Variants in CYP11B2 observed in about 807,000 individuals in gnomAD.
CYP11B2 encodes the protein cytochrome P450 11B2, mitochondrial.
A neutral mutation model predicts 49.3 loss-of-function variants in CYP11B2; 38 were observed. That is an observed-to-expected ratio of 0.77 (90% CI 0.59 to 1.01). The LOEUF is 1.01. Ranked by LOEUF, CYP11B2 falls within the 50% of genes least tolerant of loss-of-function variation. The pLI is 0.00. For missense variants in CYP11B2, 669 were observed against 655.5 expected, an observed-to-expected ratio of 1.02 and a Z score of -0.23; for synonymous variants, 290 against 269.3, an observed-to-expected ratio of 1.08 and a Z score of -0.75.
rs766018180 is a variant in CYP11B2, at chr8:142,912,593, A to G, written c.1335T>C (p.Phe445=). 4 of 1,613,902 alleles carry G rather than the reference A, an allele frequency of 2.5e-6. No individual in the cohort carries two copies. The Admixed American group carries it at 6.7e-5, about 27-fold the overall frequency. Residue 445 remains phenylalanine (F), a synonymous_variant, in exon 8 of 9, where the codon TTT becomes TTC. Coordinates refer to ENST00000323110, the MANE Select transcript of CYP11B2 (RefSeq NM_000498.3). ...GCCGCCCGAGGCACTGGCGCATGCC[A>G]AAGCCAAAGGGCACGTGGTGGAAGT... ...GRNFHHVPFG[F]GMRQCLGRRL...
At position 142,912,140 on chromosome 8, in the gene CYP11B2, G is replaced by T. The variant is rs200760005; in HGVS notation, c.1399-47C>A. 453 of 1,613,064 alleles carry T rather than the reference G, an allele frequency of 2.8e-4. 4 individuals carry two copies. The East Asian group carries it at 8.3e-3, about 30-fold the overall frequency. On this transcript the variant is annotated intron_variant, in intron 8 of 8. Coordinates refer to ENST00000323110, the MANE Select transcript of CYP11B2 (RefSeq NM_000498.3). Reference sequence around the variant, plus strand: ...CATCTGGCCTGGTCAGTAGCCCATGGACCTGGGGCAGCTTCCTCCCATCGT... The same window carrying T: ...CATCTGGCCTGGTCAGTAGCCCATGTACCTGGGGCAGCTTCCTCCCATCGT...
At position 142,914,372 on chromosome 8, in the gene CYP11B2, GC is replaced by G. The variant is rs1409902979; in HGVS notation, c.845del (p.Arg282ProfsTer14). On this transcript the variant is annotated frameshift_variant, in exon 5 of 9. Transcript: ENST00000323110. LOFTEE classifies it high-confidence loss of function. ...CCACGATGCCTGTGTAGTGTTGAGG[GC>G]GGTTGAAGGCCAGTTCCTGGTAGAT... ...QKIYQELAFN[R>X]PQHYTGIVAE... 1.2e-6 allele frequency: 2 copies of G among 1,613,422 alleles called. No homozygotes were observed. Among genetic ancestry groups the G allele is most frequent in the Non-Finnish European group, 1.7e-6 (2 of 1,179,566 alleles).
chr8:142,912,498 C>CCGGGGG, intron 8 of CYP11B2, 32 bp downstream of exon 8: 5 of 1,603,490 alleles, frequency 3.1e-6, no homozygotes, highest in Non-Finnish European at 4.3e-6. Flanking sequence ...CTCTGCTGCC[C>CCGGGGG]AGGTCCCGCC....
intron 5 of CYP11B2, chr8:142,913,959 C>A: frequency 1.8e-6 from 1 of 545,394 alleles, no homozygotes; most frequent in South Asian, 1.5e-5. Context: ...CCTTGTACAC[C>A]CAGAGCTTTC....
chr8:142,917,060 A>G lies in CYP11B2; in HGVS notation c.394T>C (p.Leu132=), dbSNP rs768041693. 2.5e-5 allele frequency: 40 copies of G among 1,614,070 alleles called. No homozygotes were observed. The highest frequency in any genetic ancestry group is 1.6e-4 in the Middle Eastern group (1 of 6,062). The stretch of plus-strand genomic sequence containing the variant: ...CTCAGCTCCCAACTCGCCGCTTACA[A>G]CAAGAACACGCCACATTTGTGCCCA... ...HRGHKCGVFL[L]NGPEWRFNRL... Residue 132 remains leucine, a splice_region_variant and synonymous_variant, in exon 2 of 9, where the codon TTG becomes CTG. Transcript: ENST00000323110.
At position 142,914,019 on chromosome 8, in the gene CYP11B2, C is replaced by G. The variant is rs1817589423; in HGVS notation, c.954+245G>C. The G allele has an allele frequency of 7.9e-6, 5 of 632,030 alleles. No individual in the cohort carries two copies. The Middle Eastern group carries it at 1.0e-3, about 126-fold the overall frequency. The allele number at this position is 632,030 out of a possible 1,614,324, so 39.2% of individuals were successfully genotyped here. A position where few individuals can be genotyped will look rare whatever the true frequency, so the allele number is the denominator to read the frequency against. On this transcript the variant is annotated intron_variant, in intron 5 of 8. Coordinates refer to ENST00000323110, the MANE Select transcript of CYP11B2 (RefSeq NM_000498.3). ...TCCAGGGCCTCATCCAACTTTCTTC[C>G]AGCCTGGAGCATGGATCCCCACACA... is the stretch of plus-strand genomic sequence containing the variant.
chr8:142,910,817 A>T lies in CYP11B2; in HGVS notation c.*1163T>A, dbSNP rs1199405421. ...TGATTACCTAAGTATTTCCCCTTTC[A>T]TGGGGGAACAAACGCTCTGATCCTC... On this transcript the variant is annotated 3_prime_UTR_variant, in exon 9 of 9. Transcript: ENST00000323110. The surrounding 1 kb of genome is among the most constrained non-coding windows in gnomAD (Gnocchi z 4.6). 1 of 152,110 alleles carries T rather than the reference A, an allele frequency of 6.6e-6. No homozygotes were observed. The highest frequency in any genetic ancestry group is 1.5e-5 in the Non-Finnish European group (1 of 68,030). The allele number at this position is 152,110 out of a possible 1,614,324, so 9.4% of individuals were successfully genotyped here.
intron 5 of CYP11B2, chr8:142,914,027 A>T: frequency 1.5e-6 from 1 of 645,536 alleles, no homozygotes; most frequent in South Asian, 1.5e-5. Context: ...TCCAGCCTGG[A>T]GCATGGATCC....
chr8:142,911,928 C>T lies in CYP11B2; in HGVS notation c.*52G>A. Reference sequence around the variant, plus strand: ...GGAGAGAAGACAGGTGGCCTGGGGTCAGGCAGAGGGAAGCTGGTGGCCAGG... The same window carrying T: ...GGAGAGAAGACAGGTGGCCTGGGGTTAGGCAGAGGGAAGCTGGTGGCCAGG... On this transcript the variant is annotated 3_prime_UTR_variant, in exon 9 of 9. Coordinates refer to ENST00000323110, the MANE Select transcript of CYP11B2 (RefSeq NM_000498.3). The T allele has an allele frequency of 6.2e-7, 1 of 1,613,116 alleles. No homozygotes were observed. Among genetic ancestry groups the T allele is most frequent in the Admixed American group, 1.7e-5 (1 of 59,928 alleles).
chr8:142,916,445 T>C (rs772186422), intron 2 of CYP11B2: 3 of 456,514 alleles, frequency 6.6e-6, no homozygotes, highest in South Asian at 4.6e-5. Context: ...AGCCTCTCCC[T>C]GCCCACCTGA....
rs6432 is a variant in CYP11B2, at chr8:142,912,244, A to G, written c.1399-151T>C. The G allele has an allele frequency of 0.048, 67,347 of 1,411,800 alleles. 7,360 individuals are homozygous for G. In the East Asian group the frequency reaches 0.51, roughly 11 times the overall value. The allele number at this position is 1,411,800 out of a possible 1,614,324, so 87.5% of individuals were successfully genotyped here. A position where few individuals can be genotyped will look rare whatever the true frequency, so the allele number is the denominator to read the frequency against. On this transcript the variant is annotated intron_variant, in intron 8 of 8. Transcript: ENST00000323110. The stretch of plus-strand genomic sequence containing the variant: ...TCCCACTTCTGACCAGCCCCACCTT[A>G]CGGACCAGGCCCAGACTGAATCCTG...
chr8:142,915,018 G>A (rs6414), intron 3 of CYP11B2, 28 bp downstream of exon 3: 315 of 1,612,858 alleles, frequency 2.0e-4, no homozygotes, highest in Admixed American at 3.0e-4. Flanking sequence ...AGGGTCTCTG[G>A]GGCTGGACCT....
In CYP11B2 at chr8:142,917,215, C is replaced by A; in HGVS notation, c.240-1G>T. On this transcript the variant is annotated splice_acceptor_variant, in intron 1 of 8. Transcript: ENST00000323110. LOFTEE classifies it high-confidence loss of function. ...CATGCGTGGTCCTCCCAAGTTGTAC[C>A]TGTGGGGCCAAGCAGGAGGCCCTGC... 6.2e-7 allele frequency: 1 copy of A among 1,613,930 alleles called. No homozygotes were observed. Among genetic ancestry groups the A allele is most frequent in the Non-Finnish European group, 8.5e-7 (1 of 1,179,970 alleles).
chr8:142,915,547 CGGGCCCT>C (rs1817629974), intron 2 of CYP11B2, among the ~76,000 whole-genome samples: 1 of 133,870 alleles, frequency 7.5e-6, no homozygotes. Flanking sequence ...CTCACCCATG[CGGGCCCT>C]CCCTGTAGTA....
At chr8:142,912,449 C>T in intron 8 of CYP11B2, 81 bp downstream of exon 8, 1 of 1,456,626 alleles carries the variant, frequency 6.9e-7, no homozygotes, top group South Asian at 1.2e-5. Flanking sequence ...AGGTGTCAAT[C>T]ACACCATGCA....
chr8:142,910,652 T>C lies in CYP11B2; in HGVS notation c.*1328A>G, dbSNP rs1817516609. ...GAGAGCCCCATAAACAAGGAAGCCA[T>C]CTCTGAGGTCTGTGCACCTTGTTGC... On this transcript the variant is annotated 3_prime_UTR_variant, in exon 9 of 9. Transcript: ENST00000323110. This position sits in a 1 kb window ranked among gnomAD's most constrained non-coding sequence, Gnocchi z 4.6. The C allele has an allele frequency of 6.6e-6, 1 of 152,122 alleles. No individual in the cohort carries two copies. The highest frequency in any genetic ancestry group is 6.5e-5 in the Admixed American group (1 of 15,282). 9.4% of individuals were successfully genotyped at this position (152,122 alleles called of 1,614,324 possible).
chr8:142,914,898 T>C lies in CYP11B2; in HGVS notation c.606A>G (p.Leu202=), dbSNP rs113284476. Residue 202 remains leucine (L), a synonymous_variant, in exon 4 of 9, where the codon TTA becomes TTG. Transcript: ENST00000323110. ...GGCCCAGCCGCTCTCCAAAAAGAGCTAAGTTGCTGGCTGCGGGGAGGATGC... is the reference window on the plus strand; with the variant it reads ...GGCCCAGCCGCTCTCCAAAAAGAGCCAAGTTGCTGGCTGCGGGGAGGATGC... ...IFHYTIEASN[L]ALFGERLGLV... 4,501 of 1,608,944 alleles carry C rather than the reference T, an allele frequency of 2.8e-3. 138 individuals carry two copies. The African/African-American group carries it at 0.033, about 12-fold the overall frequency.
Position 142,911,877 on chromosome 8 carries a change from G to C in CYP11B2, c.*103C>G. 6.4e-7 allele frequency: 1 copy of C among 1,557,626 alleles called. No individual in the cohort carries two copies. Among genetic ancestry groups the C allele is most frequent in the Non-Finnish European group, 8.7e-7 (1 of 1,143,128 alleles). ...TTGTGCAGGAGCTGGCTGGACAGAG[G>C]GGTGACTCAGGAAGCTGTGCACGTG... On this transcript the variant is annotated 3_prime_UTR_variant, in exon 9 of 9. Transcript: ENST00000323110.
chr8:142,915,257 A>C lies in CYP11B2; in HGVS notation c.396-12T>G. 1 of 1,604,872 alleles carries C rather than the reference A, an allele frequency of 6.2e-7. No individual in the cohort carries two copies. The highest frequency in any genetic ancestry group is 8.5e-7 in the Non-Finnish European group (1 of 1,175,926). On this transcript the variant is annotated splice_polypyrimidine_tract_variant and intron_variant, in intron 2 of 8. Coordinates refer to ENST00000323110, the MANE Select transcript of CYP11B2 (RefSeq NM_000498.3). Reference sequence around the variant, plus strand: ...ATTCAGGCCCATTCCTACAGAGGCCAGGGCAGAGCTTGTGAGGCCGCCCCA... The same window carrying C: ...ATTCAGGCCCATTCCTACAGAGGCCCGGGCAGAGCTTGTGAGGCCGCCCCA...
Sources: gnomAD v4.1 joint callset for allele counts (sites outside exome capture counted in the v4.1 genomes callset) on GRCh38, gnomAD v4.1.1 for gene constraint, Gnocchi (gnomAD v3.1) non-coding constraint, MANE v1.5 for transcripts, NCBI Gene and HGNC (gene_info 2026-07-23, HGNC 2026-07-21) for gene names.